Variants in PCARE observed in about 807,000 individuals in gnomAD.
PCARE encodes the protein photoreceptor cilium actin regulator.
A neutral mutation model predicts 82.2 loss-of-function variants in PCARE; 72 were observed. That is an observed-to-expected ratio of 0.88 (90% confidence interval 0.72 to 1.07). The LOEUF (loss-of-function observed/expected upper bound fraction) is 1.07. PCARE is among the 50% of genes least tolerant of loss of function. PCARE has a pLI of 0.00. For synonymous variants in PCARE, 705 were observed against 634.8 expected (o/e 1.11, Z -1.66); for missense variants, 1,768 against 1,592.4 (o/e 1.11, Z -1.88).
In PCARE at chr2:29,064,836, T is replaced by C; in HGVS notation, c.*33A>G. On this transcript the variant is annotated 3_prime_UTR_variant, in exon 2 of 2. Transcript: ENST00000331664. ...GGCTGTCACACTTGGCCTTCTGGGG[T>C]GACTGCGTGAGTGTGGCCCCCTCGT... The C allele has an allele frequency of 6.2e-7, 1 of 1,607,508 alleles. No individual in the cohort carries two copies. The highest frequency in any genetic ancestry group is 8.5e-7 in the Non-Finnish European group (1 of 1,179,786).
At position 29,070,624 on chromosome 2, in the gene PCARE, G is replaced by A; in HGVS notation, c.3638C>T (p.Thr1213Ile). 3 of 1,614,048 alleles carry A rather than the reference G, an allele frequency of 1.9e-6. No individual in the cohort carries two copies. In the South Asian group the frequency reaches 3.3e-5, roughly 18 times the overall value. ...PQPPTLDPTS[T>I]SYESQLGQNS... ...CTGGCCGAGCTGGGATTCATAAGAG[G>A]TGCTGGTGGGGTCCAAGGTGGGAGG... The change falls in exon 1 of 2, where the codon ACC becomes ATC. Residue 1213 changes from threonine to isoleucine, a missense_variant. Physicochemically the swap from Thr to Ile is moderately conservative, Grantham distance 89 (BLOSUM62 -1). Coordinates refer to ENST00000331664, the MANE Select transcript of PCARE (RefSeq NM_001029883.3).
rs140854041 is a variant in PCARE, at chr2:29,074,308, G to T, written c.-47C>A. 9.5e-5 allele frequency: 143 copies of T among 1,512,060 alleles called. No homozygotes were observed. In the African/African-American group the frequency reaches 1.5e-3, roughly 16 times the overall value. The allele number at this position is 1,512,060 out of a possible 1,614,324, so 93.7% of individuals were successfully genotyped here. The stretch of plus-strand genomic sequence containing the variant: ...TCCACCCACCTTCACAATTTTCCAA[G>T]AATCATATTTGAAATAGGAACAAAA... On this transcript the variant is annotated 5_prime_UTR_variant, in exon 1 of 2. Coordinates refer to ENST00000331664, the MANE Select transcript of PCARE (RefSeq NM_001029883.3).
intron 1 of PCARE, among the ~76,000 whole-genome samples, chr2:29,067,070 C>T (rs1202369725): frequency 3.0e-5 from 1 of 33,602 alleles, no homozygotes; most frequent in East Asian, 8.3e-4. Context: ...AAAAAGGGGG[C>T]TTCTGCCTGC....
In PCARE at chr2:29,070,841, G is replaced by T; in HGVS notation, c.3421C>A (p.His1141Asn). The change falls in exon 1 of 2, where the codon CAC becomes AAC. Residue 1141 changes from histidine (H) to asparagine (N), a missense_variant. Transcript: ENST00000331664. ...GGCAGCGATGGTGGGGTCAGTGGGT[G>T]GGCTGTTGAGAGTGGCGGTTTAGCT... ...FEAKPPLSTA[H>N]PLTPPSLPPE... 1 of 1,614,116 alleles carries T rather than the reference G, an allele frequency of 6.2e-7. No individual in the cohort carries two copies. Among genetic ancestry groups the T allele is most frequent in the South Asian group, 1.1e-5 (1 of 91,088 alleles).
intron 1 of PCARE, among the ~76,000 whole-genome samples, chr2:29,067,050 C>A (rs2148413430): frequency 7.9e-6 from 1 of 125,814 alleles, no homozygotes; most frequent in African/African-American, 3.1e-5. Context: ...TAAACATCAT[C>A]CATTTTTCTA....
At position 29,070,817 on chromosome 2, in the gene PCARE, G is replaced by T. The variant is rs1667461033; in HGVS notation, c.3445C>A (p.Pro1149Thr). Reference sequence around the variant, plus strand: ...CCGAGAGGGCCCCCAGCCTCTGGCGGCAGCGATGGTGGGGTCAGTGGGTGG... The same window carrying T: ...CCGAGAGGGCCCCCAGCCTCTGGCGTCAGCGATGGTGGGGTCAGTGGGTGG... Reference protein sequence around the residue: ...TAHPLTPPSLPPEAGGPLGNP... With the variant: ...TAHPLTPPSLTPEAGGPLGNP... Residue 1149 changes from proline to threonine, a missense_variant, in exon 1 of 2, where the codon CCG becomes ACG. Physicochemically the swap from Pro to Thr is conservative, Grantham distance 38. Coordinates refer to ENST00000331664, the MANE Select transcript of PCARE (RefSeq NM_001029883.3). 2 of 1,614,160 alleles carry T rather than the reference G, an allele frequency of 1.2e-6. No individual in the cohort carries two copies. The highest frequency in any genetic ancestry group is 1.7e-6 in the Non-Finnish European group (2 of 1,180,046).
intron 1 of PCARE, among the ~76,000 whole-genome samples, chr2:29,068,762 G>A (rs998390844): frequency 6.6e-6 from 1 of 152,160 alleles, no homozygotes; most frequent in African/African-American, 2.4e-5. Flanking sequence ...GCCTGCCCGG[G>A]GGAGAGGTAG....
In PCARE at chr2:29,071,132, T is replaced by TG. The variant is rs1188070506; in HGVS notation, c.3129dup (p.Thr1044HisfsTer63). ...TGCGGTGGGGAAGTTCGCCGCTTTG[T>TG]GGTGGGTGGGCTTAGCACCCTGGGG... On this transcript the variant is annotated frameshift_variant, in exon 1 of 2. Transcript: ENST00000331664. LOFTEE classifies it high-confidence loss of function. 1 of 1,576,042 alleles carries TG rather than the reference T, an allele frequency of 6.3e-7. No homozygotes were observed. Among genetic ancestry groups the TG allele is most frequent in the Non-Finnish European group, 8.6e-7 (1 of 1,162,034 alleles).
intron 1 of PCARE, among the ~76,000 whole-genome samples, chr2:29,066,846 A>G (rs1238633375): frequency 6.6e-6 from 1 of 152,238 alleles, no homozygotes; most frequent in Non-Finnish European, 1.5e-5. Flanking sequence ...TGAAGACTGA[A>G]AACACCACAT....
rs766472921 is a variant in PCARE, at chr2:29,071,405, G to T, written c.2857C>A (p.Gln953Lys). The T allele has an allele frequency of 1.2e-6, 2 of 1,613,744 alleles. No homozygotes were observed. Among genetic ancestry groups the T allele is most frequent in the South Asian group, 2.2e-5 (2 of 91,090 alleles). ...TGCCAGGCGATGGCCTTCCGGGGCTGCCTGTAGAGGCTGGTGGCCTTCTCT... is the reference window on the plus strand; with the variant it reads ...TGCCAGGCGATGGCCTTCCGGGGCTTCCTGTAGAGGCTGGTGGCCTTCTCT... ...QAEKATSLYR[Q>K]PRKAIAWHHS... Residue 953 changes from glutamine to lysine, a missense_variant, in exon 1 of 2, where the codon CAG becomes AAG. By Grantham distance (53) the Gln-to-Lys change is moderately conservative (BLOSUM62 1). Coordinates refer to ENST00000331664, the MANE Select transcript of PCARE (RefSeq NM_001029883.3).
chr2:29,074,189 G>C lies in PCARE; in HGVS notation c.73C>G (p.Pro25Ala), dbSNP rs758029096. 1.9e-6 allele frequency: 3 copies of C among 1,605,248 alleles called. No homozygotes were observed. The East Asian group carries it at 6.7e-5, about 36-fold the overall frequency. Residue 25 changes from proline (P) to alanine (A), a missense_variant, in exon 1 of 2, where the codon CCC becomes GCC. Coordinates refer to ENST00000331664, the MANE Select transcript of PCARE (RefSeq NM_001029883.3). The part of the protein sequence containing the change: ...AKSGIQFLKK[P>A]KAIRPGCQGG... ...TGACATCCTGGCCGAATTGCTTTGG[G>C]CTTTTTCAAGAACTGAATGCCACTC...
chr2:29,067,515 G>A (rs533004153), intron 1 of PCARE, among the ~76,000 whole-genome samples: 5 of 152,132 alleles, frequency 3.3e-5, no homozygotes, highest in East Asian at 1.9e-4. Flanking sequence ...CTTGGGAAGC[G>A]TCCTGTTTAT....
Position 29,072,663 on chromosome 2 carries a change from C to T in PCARE, c.1599G>A (p.Arg533=), listed in dbSNP as rs781286343. Residue 533 remains arginine, a synonymous_variant, in exon 1 of 2, where the codon AGG becomes AGA. Coordinates refer to ENST00000331664, the MANE Select transcript of PCARE (RefSeq NM_001029883.3). ...GAATCATTTCCTGGGCCTGGAGGCT[C>T]CTAAGCCTCCTGGTGCGGGCCTGAA... ...SPFQARTRRL[R]SLQAQEMILK... 5 of 1,613,934 alleles carry T rather than the reference C, an allele frequency of 3.1e-6. No homozygotes were observed. The highest frequency in any genetic ancestry group is 4.2e-6 in the Non-Finnish European group (5 of 1,180,036).
chr2:29,070,679 A>C lies in PCARE; in HGVS notation c.3583T>G (p.Ser1195Ala). ...GGTCGGCCACCTGGCTGGCGGTCAG[A>C]AGCTGTCCTCCTGAGGAAAGGCAGA... Reference protein sequence around the residue: ...NPLPFLRRTASDRQPGGRPQP... With the variant: ...NPLPFLRRTAADRQPGGRPQP... The change falls in exon 1 of 2, where the codon TCT (serine) becomes GCT (alanine). Residue 1195 changes from serine (S) to alanine (A), a missense_variant. Ser to Ala is a moderately conservative substitution (Grantham distance 99). Coordinates refer to ENST00000331664, the MANE Select transcript of PCARE (RefSeq NM_001029883.3). 1 of 1,614,142 alleles carries C rather than the reference A, an allele frequency of 6.2e-7. No homozygotes were observed. The highest frequency in any genetic ancestry group is 8.5e-7 in the Non-Finnish European group (1 of 1,180,018).
chr2:29,068,442 C>G (rs1415436782), intron 1 of PCARE, among the ~76,000 whole-genome samples: 1 of 152,172 alleles, frequency 6.6e-6, no homozygotes, highest in African/African-American at 2.4e-5. Flanking sequence ...CAATCGTGGG[C>G]TATGCAAAGA....
At position 29,064,593 on chromosome 2, in the gene PCARE, C is replaced by A. The variant is rs1667363757; in HGVS notation, c.*276G>T. ...ACATTCTCCACCCCCCACCCCACCC[C>A]AAATTAAGGCCAGCACTTGAAGCAT... On this transcript the variant is annotated 3_prime_UTR_variant, in exon 2 of 2. Coordinates refer to ENST00000331664, the MANE Select transcript of PCARE (RefSeq NM_001029883.3). 5.2e-6 allele frequency: 3 copies of A among 577,222 alleles called. No individual in the cohort carries two copies. Among genetic ancestry groups the A allele is most frequent in the Non-Finnish European group, 9.3e-6 (3 of 322,664 alleles). The allele number at this position is 577,222 out of a possible 1,614,324, so 35.8% of individuals were successfully genotyped here. A position where few individuals can be genotyped will look rare whatever the true frequency, so the allele number is the denominator to read the frequency against.
chr2:29,070,837 G>T lies in PCARE; in HGVS notation c.3425C>A (p.Pro1142Gln), dbSNP rs1667462186. 3 of 1,614,120 alleles carry T rather than the reference G, an allele frequency of 1.9e-6. No homozygotes were observed. Among genetic ancestry groups the T allele is most frequent in the Non-Finnish European group, 1.7e-6 (2 of 1,180,044 alleles). ...TGGCGGCAGCGATGGTGGGGTCAGT[G>T]GGTGGGCTGTTGAGAGTGGCGGTTT... Reference protein sequence around the residue: ...EAKPPLSTAHPLTPPSLPPEA... With the variant: ...EAKPPLSTAHQLTPPSLPPEA... The change falls in exon 1 of 2, where the codon CCA becomes CAA. Residue 1142 changes from proline (P) to glutamine (Q), a missense_variant. Pro to Gln is a moderately conservative substitution (Grantham distance 76). Transcript: ENST00000331664.
Position 29,073,153 on chromosome 2 carries a change from C to A in PCARE, c.1109G>T (p.Ser370Ile). The change falls in exon 1 of 2, where the codon AGC becomes ATC. Residue 370 changes from serine to isoleucine, a missense_variant. Transcript: ENST00000331664. ...TTCGGGCTCTGGTGCAAGGTCCCAG[C>A]TGGTTTGCTTGCCCAGCTTGTCCAC... ...QSVDKLGKQT[S>I]WDLAPEPEEW... The A allele has an allele frequency of 6.2e-7, 1 of 1,614,134 alleles. No individual in the cohort carries two copies.
In PCARE at chr2:29,062,430, C is replaced by T. The variant is rs1392758619; in HGVS notation, c.*2439G>A. 1.3e-5 allele frequency: 2 copies of T among 152,372 alleles called. No individual in the cohort carries two copies. The highest frequency in any genetic ancestry group is 2.9e-5 in the Non-Finnish European group (2 of 68,142). 9.4% of individuals were successfully genotyped at this position (152,372 alleles called of 1,614,324 possible). A position where few individuals can be genotyped will look rare whatever the true frequency, so the allele number is the denominator to read the frequency against. ...TCCCGGGTGCCCTGTACCCCTTCGT[C>T]TGCTGCCTGCAATATGGTGGGTGGG... is the stretch of plus-strand genomic sequence containing the variant. On this transcript the variant is annotated 3_prime_UTR_variant, in exon 2 of 2. Transcript: ENST00000331664.
Sources: allele counts gnomAD v4.1 joint callset (sites outside exome capture counted in the v4.1 genomes callset), GRCh38; gene constraint gnomAD v4.1.1; transcripts MANE v1.5; gene names NCBI Gene and HGNC (gene_info 2026-07-23, HGNC 2026-07-21).